Variants in OTOGL observed in about 807,000 individuals in gnomAD.
The protein encoded by OTOGL is otogelin-like protein.
Under a neutral mutation model 318.5 loss-of-function variants are expected in OTOGL, and 285 were observed. That is an observed-to-expected ratio of 0.89 (90% CI 0.81 to 0.99). The LOEUF (loss-of-function observed/expected upper bound fraction) is 0.99, where lower values mean the gene tolerates loss of function less well. OTOGL is among the 50% of genes least tolerant of loss of function. The pLI, the probability that OTOGL is intolerant of heterozygous loss-of-function variation, is 0.00. For synonymous variants in OTOGL, 987 were observed against 936.5 expected, an observed-to-expected ratio of 1.05 and a Z score of -0.99; for missense variants, 2,899 against 2,845.6, an observed-to-expected ratio of 1.02 and a Z score of -0.43.
intron 43 of OTOGL, among the ~76,000 whole-genome samples, chr12:80,340,164 T>C (rs1188668556): frequency 6.6e-6 from 1 of 152,198 alleles, no homozygotes; most frequent in African/African-American, 2.4e-5. Context: ...AGTTTATGGA[T>C]CACCTATTGT....
chr12:80,252,156 C>G lies in OTOGL; in HGVS notation c.1240C>G (p.Leu414Val). The change falls in exon 13 of 59, where the codon CTT becomes GTT. Residue 414 changes from leucine (L) to valine (V), a missense_variant. Physicochemically the swap from Leu to Val is conservative, Grantham distance 32. Coordinates refer to ENST00000547103, the MANE Select transcript of OTOGL (RefSeq NM_001378609.3). ...PPTCTFEKQC[L>V]GSNLHCLDGC... ...AACCTGCACATTTGAGAAGCAATGT[C>G]TTGGGAGCAATCTCCATTGTCTTGA... is the stretch of plus-strand genomic sequence containing the variant. 1 of 1,590,594 alleles carries G rather than the reference C, an allele frequency of 6.3e-7. No homozygotes were observed. Among genetic ancestry groups the G allele is most frequent in the Middle Eastern group, 1.7e-4 (1 of 6,042 alleles).
rs534622821 is a variant in OTOGL, at chr12:80,372,050, G to C, written c.6767G>C (p.Gly2256Ala). 8 of 1,551,814 alleles carry C rather than the reference G, an allele frequency of 5.2e-6. No homozygotes were observed. In the South Asian group the frequency reaches 8.6e-5, roughly 17 times the overall value. The change falls in exon 57 of 59, where the codon GGC becomes GCC. Residue 2256 changes from glycine to alanine, a missense_variant. Around this residue, in one of 3 missense-constraint regions of OTOGL, gnomAD observed 289 missense variants for 304.6 expected, o/e 0.95. Coordinates refer to ENST00000547103, the MANE Select transcript of OTOGL (RefSeq NM_001378609.3). ...NEGIVKLYNE[G>A]CCKICKREER... ...GGGATTGTGAAGCTTTATAATGAAG[G>C]CTGTTGCAAGATCTGTAAGTGAGAG...
At chr12:80,313,977 C>T (rs1000938438) in intron 31 of OTOGL, among the ~76,000 whole-genome samples, 2 of 151,950 alleles carry the variant, frequency 1.3e-5, no homozygotes, top group Admixed American at 1.3e-4. Flanking sequence ...AAAAAAATCA[C>T]CTTGAATTTG....
intron 1 of OTOGL, among the ~76,000 whole-genome samples, chr12:80,148,288 T>G (rs996764631): frequency 5.5e-5 from 8 of 146,740 alleles, no homozygotes; most frequent in East Asian, 2.0e-4. Context: ...GTCTGTAAAG[T>G]ATTTTATTTC....
At chr12:80,349,481 T>A (rs1889405146) in intron 44 of OTOGL, among the ~76,000 whole-genome samples, 1 of 151,940 alleles carries the variant, frequency 6.6e-6, no homozygotes, top group Non-Finnish European at 1.5e-5. Flanking sequence ...GAGGATGGGA[T>A]CTAGTAAAAC....
At chr12:80,104,614 C>T (rs1029841326) in intron 1 of OTOGL, among the ~76,000 whole-genome samples, 5 of 151,978 alleles carry the variant, frequency 3.3e-5, no homozygotes, top group African/African-American at 1.2e-4. Context: ...GAGAGCATGT[C>T]AGGGGGGTGA....
intron 37 of OTOGL, 120 bp downstream of exon 37, chr12:80,329,239 C>G (rs1887913117): frequency 1.3e-6 from 1 of 743,072 alleles, no homozygotes; most frequent in African/African-American, 1.9e-5. Flanking sequence ...GCTAGGAAAC[C>G]CAGCAGTCAC....
At chr12:80,113,301 ATTTG>A (rs1301802767) in intron 1 of OTOGL, among the ~76,000 whole-genome samples, 1 of 151,860 alleles carries the variant, frequency 6.6e-6, no homozygotes, top group Non-Finnish European at 1.5e-5. Flanking sequence ...TAGCTTTTGA[ATTTG>A]TTTGCTCTTG....
chr12:80,110,375 G>A (rs1267753923), intron 1 of OTOGL, among the ~76,000 whole-genome samples: 1 of 151,966 alleles, frequency 6.6e-6, no homozygotes, highest in Non-Finnish European at 1.5e-5. Flanking sequence ...CCTACATTAG[G>A]TATTTCTCCT....
chr12:80,305,893 T>G (rs950744080), intron 29 of OTOGL, among the ~76,000 whole-genome samples, 198 bp downstream of exon 29: 19 of 152,212 alleles, frequency 1.2e-4, no homozygotes, highest in Non-Finnish European at 2.4e-4. Flanking sequence ...TTCTCCTTAG[T>G]ATAGATGAAG....
chr12:80,258,368 A>G (rs558720994), intron 18 of OTOGL, among the ~76,000 whole-genome samples: 8 of 152,232 alleles, frequency 5.3e-5, no homozygotes, highest in African/African-American at 1.9e-4. Flanking sequence ...TGCCTAAAAA[A>G]ACCAAACAAA....
In OTOGL at chr12:80,238,984, T is replaced by G. The variant is rs750101684; in HGVS notation, c.945+6T>G. The G allele has an allele frequency of 2.5e-6, 4 of 1,594,548 alleles. No homozygotes were observed. In the South Asian group the frequency reaches 4.5e-5, roughly 18 times the overall value. ...GTGGAATGCCAGCATTTGAGGTAAA[T>G]TTGATGTGAGAAATGTGGGCATGTC... On this transcript the variant is annotated splice_donor_region_variant and intron_variant, in intron 10 of 58. Transcript: ENST00000547103.
At chr12:80,285,321 A>T (rs1389988232) in intron 26 of OTOGL, among the ~76,000 whole-genome samples, 1 of 152,126 alleles carries the variant, frequency 6.6e-6, no homozygotes, top group Non-Finnish European at 1.5e-5. Context: ...TGATGTCTCC[A>T]GCTTTGTTCC....
chr12:80,379,772 A>G lies in OTOGL; in HGVS notation c.*1724A>G, dbSNP rs561624603. 1.3e-5 allele frequency: 2 copies of G among 152,138 alleles called. No individual in the cohort carries two copies. The highest frequency in any genetic ancestry group is 4.1e-4 in the South Asian group (2 of 4,826). 9.4% of individuals were successfully genotyped at this position (152,138 alleles called of 1,614,324 possible). On this transcript the variant is annotated 3_prime_UTR_variant, in exon 59 of 59. Coordinates refer to ENST00000547103, the MANE Select transcript of OTOGL (RefSeq NM_001378609.3). ...AAACCTATTTGTGGAGAAATGGGAA[A>G]CATTCTCCTAGAACTTTATAAACAT...
intron 52 of OTOGL, among the ~76,000 whole-genome samples, chr12:80,361,854 G>T (rs1216884319): frequency 6.6e-6 from 1 of 151,950 alleles, no homozygotes; most frequent in African/African-American, 2.4e-5. Flanking sequence ...TGAGTTGTTT[G>T]AGTTCTTTAC....
intron 1 of OTOGL, among the ~76,000 whole-genome samples, chr12:80,206,205 CTG>C (rs894066648): frequency 6.6e-6 from 1 of 152,144 alleles, no homozygotes; most frequent in African/African-American, 2.4e-5. Context: ...GTCATAAATT[CTG>C]TGTTTTGTGG....
intron 26 of OTOGL, among the ~76,000 whole-genome samples, chr12:80,295,440 G>T (rs1209840402): frequency 6.6e-6 from 1 of 152,146 alleles, no homozygotes; most frequent in Non-Finnish European, 1.5e-5. Context: ...GCCTCCCAAA[G>T]TGCTGGGATT....
intron 56 of OTOGL, among the ~76,000 whole-genome samples, chr12:80,371,698 T>C (rs1592771582): frequency 6.6e-6 from 1 of 152,172 alleles, no homozygotes; most frequent in East Asian, 1.9e-4. Flanking sequence ...AAATATATAA[T>C]GGTCATTATT....
At chr12:80,108,813 G>GTA (rs1565863173) in intron 1 of OTOGL, among the ~76,000 whole-genome samples, 2 of 134,148 alleles carry the variant, frequency 1.5e-5, no homozygotes, top group African/African-American at 5.6e-5. Flanking sequence ...ATATATATAT[G>GTA]TGTATATATA....
Sources: allele counts gnomAD v4.1 joint callset (sites outside exome capture counted in the v4.1 genomes callset), GRCh38; gene constraint gnomAD v4.1.1; regional missense constraint gnomAD v4.1.1; transcripts MANE v1.5; gene names NCBI Gene and HGNC (gene_info 2026-07-23, HGNC 2026-07-21).